HIRA: variants seen among roughly 807,000 people sequenced by gnomAD.
The protein encoded by HIRA is protein HIRA.
In HIRA, 13 loss-of-function variants were observed where a neutral mutation model predicts 126.6. The observed-to-expected ratio is 0.10, with a 90% confidence interval of 0.07 to 0.16. The LOEUF is 0.16. Among genes scored for constraint, HIRA ranks in the 10% least tolerant of loss-of-function variants. HIRA has a pLI of 1.00. For missense variants in HIRA, 834 were observed against 1,314.4 expected (o/e 0.63, Z 5.65); for synonymous variants, 511 against 520.0 (o/e 0.98, Z 0.24).
At chr22:19,396,228 A>T (rs1470024380) in intron 7 of HIRA, among the ~76,000 whole-genome samples, 1 of 152,168 alleles carries the variant, frequency 6.6e-6, no homozygotes, top group African/African-American at 2.4e-5. Flanking sequence ...TAAACCTATA[A>T]ATCCGGGCCA....
intron 9 of HIRA, among the ~76,000 whole-genome samples, chr22:19,389,392 G>A (rs1338309719): frequency 6.6e-6 from 1 of 152,112 alleles, no homozygotes; most frequent in African/African-American, 2.4e-5. Context: ...GCCCTGAACT[G>A]CAGGACAATG....
chr22:19,335,155 G>A (rs576821913), intron 24 of HIRA, among the ~76,000 whole-genome samples: 63 of 152,014 alleles, frequency 4.1e-4, no homozygotes, highest in African/African-American at 1.5e-3. Flanking sequence ...CCTGGCGTCT[G>A]TGATACTGCT....
rs562770125 is a variant in HIRA at position 19,355,857 on chromosome 22, T to A, written c.2464A>T (p.Met822Leu). 3 of 1,611,310 alleles carry A rather than the reference T, an allele frequency of 1.9e-6. No individual in the cohort carries two copies. In the South Asian group the frequency reaches 3.3e-5, roughly 18 times the overall value. Residue 822 changes from methionine (M) to leucine (L), a missense_variant, in exon 21 of 25, where the codon ATG (methionine) becomes TTG (leucine). By Grantham distance (15) the Met-to-Leu change is conservative. Around this residue, in one of 5 missense-constraint regions of HIRA, gnomAD observed 468 missense variants for 574.2 expected, o/e 0.82. Transcript: ENST00000263208. ...SLHSILAGSD[M>L]TVSQILLTQH... ...GTCAGCAAGATCTGTGATACCGTCATATCACTTCCTGAGGACAGCATGGGA... is the reference window on the plus strand; with the variant it reads ...GTCAGCAAGATCTGTGATACCGTCAAATCACTTCCTGAGGACAGCATGGGA...
Position 19,381,145 on chromosome 22 carries a change from T to A in HIRA, c.1415+2475A>T, listed in dbSNP as rs557984906. ...ATTAAGATATGCATCTCTGGTTGCA[T>A]CCTAGTTATTTTATTTGTGAATATG... On this transcript the variant is annotated intron_variant, in intron 13 of 24. Coordinates refer to ENST00000263208, the MANE Select transcript of HIRA (RefSeq NM_003325.4). 8.5e-5 allele frequency among the ~76,000 whole-genome samples: 13 copies of A among 152,340 alleles called. No individual in the cohort carries two copies. In the South Asian group the frequency reaches 2.7e-3, roughly 32 times the overall value.
intron 5 of HIRA, among the ~76,000 whole-genome samples, chr22:19,398,569 T>C (rs886216889): frequency 6.6e-6 from 1 of 152,186 alleles, no homozygotes; most frequent in Non-Finnish European, 1.5e-5. Context: ...ATGGACTGGG[T>C]CTCATCTCCC....
chr22:19,349,729 A>T (rs1047653097), intron 24 of HIRA, among the ~76,000 whole-genome samples: 21 of 152,194 alleles, frequency 1.4e-4, no homozygotes, highest in Non-Finnish European at 5.9e-5. Context: ...ACCACAGTCA[A>T]ATTTAAGAAT....
At chr22:19,414,417 G>A (rs144100996) in intron 1 of HIRA, among the ~76,000 whole-genome samples, 97 of 152,308 alleles carry the variant, frequency 6.4e-4, no homozygotes, top group African/African-American at 2.2e-3. Flanking sequence ...AAAGCAGAGA[G>A]GGCACAATGG....
intron 1 of HIRA, among the ~76,000 whole-genome samples, chr22:19,423,502 C>A (rs1027963311): frequency 8.3e-6 from 1 of 121,164 alleles, no homozygotes; most frequent in African/African-American, 3.2e-5. Flanking sequence ...CACACACACA[C>A]ACACACACAC....
chr22:19,348,717 A>G (rs527768688), intron 24 of HIRA, among the ~76,000 whole-genome samples: 4 of 152,094 alleles, frequency 2.6e-5, no homozygotes, highest in Non-Finnish European at 4.4e-5. Context: ...GGCTGGTCTC[A>G]AACTCCTGAC....
intron 24 of HIRA, among the ~76,000 whole-genome samples, chr22:19,339,489 T>C (rs1569287299): frequency 6.6e-6 from 1 of 152,022 alleles, no homozygotes; most frequent in Non-Finnish European, 1.5e-5. Context: ...AGAAAAAAAT[T>C]AGCTGGGTGT....
intron 15 of HIRA, among the ~76,000 whole-genome samples, chr22:19,373,988 T>C (rs1017145272): frequency 6.6e-6 from 1 of 151,438 alleles, no homozygotes; most frequent in Admixed American, 6.6e-5. Flanking sequence ...TGTGAACTAG[T>C]TATTCATTTT....
intron 24 of HIRA, among the ~76,000 whole-genome samples, chr22:19,333,193 C>T (rs1245023454): frequency 6.6e-6 from 1 of 152,120 alleles, no homozygotes; most frequent in African/African-American, 2.4e-5. Context: ...AAGGCGTGAG[C>T]CACTATGCCT....
chr22:19,384,660 CTT>C (rs938408159), intron 12 of HIRA, among the ~76,000 whole-genome samples: 3 of 144,710 alleles, frequency 2.1e-5, no homozygotes, highest in Non-Finnish European at 3.1e-5. Context: ...TTCTTTCTTT[CTT>C]TTTTTTTTTT....
Position 19,380,109 on chromosome 22 carries a change from C to T in HIRA, c.1416-2043G>A, listed in dbSNP as rs1255487919. ...GGTGTGAGCCACCACGCCCAGACAGCCTATCTTTTAAATGCACTAAAATTT... is the reference window on the plus strand; with the variant it reads ...GGTGTGAGCCACCACGCCCAGACAGTCTATCTTTTAAATGCACTAAAATTT... On this transcript the variant is annotated intron_variant, in intron 13 of 24. Coordinates refer to ENST00000263208, the MANE Select transcript of HIRA (RefSeq NM_003325.4). Among the ~76,000 whole-genome samples the T allele has an allele frequency of 4.6e-5, 7 of 152,168 alleles. No homozygotes were observed. In the East Asian group the frequency reaches 9.7e-4, roughly 21 times the overall value.
At chr22:19,348,500 A>ATT (rs201697171) in intron 24 of HIRA, among the ~76,000 whole-genome samples, 29 of 146,988 alleles carry the variant, frequency 2.0e-4, no homozygotes, top group African/African-American at 2.5e-4. Flanking sequence ...GATACAGCTG[A>ATT]TTTTTTTTTT....
At chr22:19,346,305 A>C (rs1601804890) in intron 24 of HIRA, among the ~76,000 whole-genome samples, 1 of 152,212 alleles carries the variant, frequency 6.6e-6, no homozygotes, top group South Asian at 2.1e-4. Context: ...TGCATTCCAC[A>C]CTCCAGCCTG....
chr22:19,334,364 A>G (rs1280614461), intron 24 of HIRA, among the ~76,000 whole-genome samples: 1 of 150,710 alleles, frequency 6.6e-6, no homozygotes, highest in Non-Finnish European at 1.5e-5. Flanking sequence ...TTAAAGTCTT[A>G]TGTCTGATGG....
Position 19,351,310 on chromosome 22 carries a change from C to T in HIRA, c.2937+48G>A. 6.3e-7 allele frequency: 1 copy of T among 1,575,558 alleles called. No homozygotes were observed. Among genetic ancestry groups the T allele is most frequent in the South Asian group, 1.2e-5 (1 of 84,740 alleles). ...GGCTTATTTAAAAAATCTCCACCTTCATGTTTCAAGAAAGAATTCTTGCAG... is the reference window on the plus strand; with the variant it reads ...GGCTTATTTAAAAAATCTCCACCTTTATGTTTCAAGAAAGAATTCTTGCAG... On this transcript the variant is annotated intron_variant, in intron 24 of 24. Transcript: ENST00000263208. This position sits in a 1 kb window ranked among gnomAD's most constrained non-coding sequence, Gnocchi z 4.8.
chr22:19,359,594 G>A (rs2088845635), intron 17 of HIRA, 110 bp from the exon 18 acceptor site: 1 of 1,248,684 alleles, frequency 8.0e-7, no homozygotes, highest in Non-Finnish European at 1.0e-6. Flanking sequence ...TACAGAGGCA[G>A]ACTGGCTGGC....
Sources: allele counts gnomAD v4.1 joint callset (sites outside exome capture counted in the v4.1 genomes callset), GRCh38; gene constraint gnomAD v4.1.1; regional missense constraint gnomAD v4.1.1; non-coding constraint Gnocchi (gnomAD v3.1); transcripts MANE v1.5; gene names NCBI Gene and HGNC (gene_info 2026-07-23, HGNC 2026-07-21).